Variants in EYS observed in about 807,000 individuals in gnomAD.
The protein encoded by EYS is EGF-like photoreceptor maintenance factor.
In EYS, 250 loss-of-function variants were observed where a neutral mutation model predicts 282.1. That is an observed-to-expected ratio of 0.89 (90% CI 0.80 to 0.98). The LOEUF (loss-of-function observed/expected upper bound fraction) is 0.98, where lower values mean the gene tolerates loss of function less well. Ranked by LOEUF, EYS falls within the 50% of genes least tolerant of loss-of-function variation. The pLI is 0.00. For synonymous variants in EYS, 1,355 were observed against 1,282.9 expected (o/e 1.06, Z -1.20); for missense variants, 4,016 against 3,709.0 (o/e 1.08, Z -2.15).
chr6:64,285,527 C>T (rs80049608), intron 30 of EYS, among the ~76,000 whole-genome samples: 5,541 of 152,214 alleles, frequency 0.036, 314 homozygotes, highest in African/African-American at 0.13. Context: ...CCAAACTTTC[C>T]CACATTTTCC....
intron 31 of EYS, among the ~76,000 whole-genome samples, chr6:64,139,923 G>A (rs1389656774): frequency 6.6e-6 from 1 of 151,606 alleles, no homozygotes; most frequent in Non-Finnish European, 1.5e-5. Context: ...AGCCGAGATC[G>A]CACCACTGCA....
chr6:64,710,847 T>G (rs1771188669), intron 22 of EYS, among the ~76,000 whole-genome samples: 1 of 152,236 alleles, frequency 6.6e-6, no homozygotes, highest in African/African-American at 2.4e-5. Flanking sequence ...AGGTTGGAGA[T>G]AGTTTGAATT....
intron 22 of EYS, among the ~76,000 whole-genome samples, chr6:64,750,959 A>G (rs1482547511): frequency 6.7e-6 from 1 of 150,354 alleles, no homozygotes; most frequent in Non-Finnish European, 1.5e-5. Context: ...TCTCTGCTCC[A>G]CATTCTGACA....
intron 15 of EYS, among the ~76,000 whole-genome samples, chr6:64,915,783 A>G (rs1768142005): frequency 6.6e-6 from 1 of 152,176 alleles, no homozygotes; most frequent in African/African-American, 2.4e-5. Context: ...AAATATGTAG[A>G]AGAGATATTC....
chr6:64,444,616 G>A (rs1561998343), intron 26 of EYS, among the ~76,000 whole-genome samples: 1 of 152,056 alleles, frequency 6.6e-6, no homozygotes, highest in Non-Finnish European at 1.5e-5. Flanking sequence ...TCTATTCCAA[G>A]AACCTAGCAT....
At chr6:64,059,036 C>T (rs1419405027) in intron 33 of EYS, among the ~76,000 whole-genome samples, 1 of 152,140 alleles carries the variant, frequency 6.6e-6, no homozygotes, top group Non-Finnish European at 1.5e-5. Flanking sequence ...AAGAGCTAAA[C>T]ATCCTTTCAC....
intron 13 of EYS, among the ~76,000 whole-genome samples, chr6:65,010,925 A>T (rs1249964094): frequency 6.6e-6 from 1 of 152,148 alleles, no homozygotes; most frequent in Non-Finnish European, 1.5e-5. Flanking sequence ...GGGTCATCAG[A>T]AAGGAAAGGA....
chr6:64,472,760 T>G (rs1776156245), intron 26 of EYS, among the ~76,000 whole-genome samples: 1 of 152,108 alleles, frequency 6.6e-6, no homozygotes, highest in Admixed American at 6.6e-5. Flanking sequence ...AATACTTAGG[T>G]GCACTTAGAT....
chr6:64,535,732 C>A (rs1764498127), intron 26 of EYS, among the ~76,000 whole-genome samples: 1 of 151,652 alleles, frequency 6.6e-6, no homozygotes, highest in South Asian at 2.1e-4. Flanking sequence ...AGAGCCAGAC[C>A]CTGTCTCAAA....
chr6:64,562,938 G>A lies in EYS; in HGVS notation c.5644+27285C>T, dbSNP rs536495184. ...ACAAATGAATTATTCTCTATAAATT[G>A]CATAACTGTCAATGGTAAAACTCAG... On this transcript the variant is annotated intron_variant, in intron 26 of 42. Transcript: ENST00000503581. Among the ~76,000 whole-genome samples the A allele has an allele frequency of 1.2e-4, 18 of 151,968 alleles. No homozygotes were observed. The East Asian group carries it at 3.5e-3, about 29-fold the overall frequency.
chr6:63,884,852 G>GA (rs1773225238), intron 35 of EYS, among the ~76,000 whole-genome samples: 1 of 151,528 alleles, frequency 6.6e-6, no homozygotes, highest in Non-Finnish European at 1.5e-5. Context: ...TTTTGAAAAT[G>GA]TACCTTTTTT....
chr6:64,193,867 A>G (rs1765195175), intron 31 of EYS, among the ~76,000 whole-genome samples: 2 of 152,154 alleles, frequency 1.3e-5, no homozygotes, highest in Non-Finnish European at 2.9e-5. Flanking sequence ...TCCATGGTGT[A>G]TATGTGACAC....
chr6:65,459,311 T>C (rs1764735120), intron 5 of EYS, among the ~76,000 whole-genome samples: 1 of 152,068 alleles, frequency 6.6e-6, no homozygotes, highest in African/African-American at 2.4e-5. Flanking sequence ...ATGAAGCAAT[T>C]GATGTTCCTA....
At chr6:63,918,932 A>C (rs1764493228) in intron 35 of EYS, among the ~76,000 whole-genome samples, 2 of 152,190 alleles carry the variant, frequency 1.3e-5, no homozygotes, top group African/African-American at 4.8e-5. Flanking sequence ...GCTCCAGTCC[A>C]ATACATTTGC....
At chr6:64,946,674 C>T (rs1189667493) in intron 14 of EYS, among the ~76,000 whole-genome samples, 4 of 151,826 alleles carry the variant, frequency 2.6e-5, no homozygotes, top group Non-Finnish European at 4.4e-5. Context: ...CTGCACTTTT[C>T]AATACAGTAG....
chr6:65,471,347 G>C (rs1765210584), intron 5 of EYS, among the ~76,000 whole-genome samples: 1 of 151,814 alleles, frequency 6.6e-6, no homozygotes, highest in Non-Finnish European at 1.5e-5. Flanking sequence ...TGTGGGTTGA[G>C]ATCACATCAC....
At chr6:63,735,539 T>C (rs1010636188) in intron 41 of EYS, among the ~76,000 whole-genome samples, 4 of 151,906 alleles carry the variant, frequency 2.6e-5, no homozygotes, top group South Asian at 2.1e-4. Context: ...TAGACCTTTT[T>C]CCCAACCTAT....
chr6:64,508,404 T>C (rs1213861298), intron 26 of EYS, among the ~76,000 whole-genome samples: 2 of 151,974 alleles, frequency 1.3e-5, no homozygotes, highest in Admixed American at 1.3e-4. Flanking sequence ...ATGTTAAATA[T>C]GCAGTTGTTT....
At chr6:65,227,680 T>A (rs556789555) in intron 12 of EYS, among the ~76,000 whole-genome samples, 1 of 152,112 alleles carries the variant, frequency 6.6e-6, no homozygotes, top group African/African-American at 2.4e-5. Flanking sequence ...GAAATATCCA[T>A]ACATTGATGA....
Sources: allele counts gnomAD v4.1 joint callset (sites outside exome capture counted in the v4.1 genomes callset), GRCh38; gene constraint gnomAD v4.1.1; transcripts MANE v1.5; gene names NCBI Gene and HGNC (gene_info 2026-07-23, HGNC 2026-07-21).